PGM2L1: variants seen among roughly 807,000 people sequenced by gnomAD.
PGM2L1 encodes glucose 1,6-bisphosphate synthase.
Under a neutral mutation model 73.4 loss-of-function variants are expected in PGM2L1, and 35 were observed. The ratio of observed to expected loss-of-function variants is 0.48; its 90% CI spans 0.36 to 0.63. The LOEUF is 0.63. Among genes scored for constraint, PGM2L1 ranks in the 30% least tolerant of loss-of-function variants. The pLI is 0.00. For missense variants in PGM2L1, 570 were observed against 742.0 expected, an observed-to-expected ratio of 0.77 and a Z score of 2.69; for synonymous variants, 225 against 253.8, an observed-to-expected ratio of 0.89 and a Z score of 1.08.
chr11:74,347,558 C>G (rs1591169226), intron 6 of PGM2L1, among the ~76,000 whole-genome samples: 1 of 152,206 alleles, frequency 6.6e-6, no homozygotes, highest in African/African-American at 2.4e-5. Context: ...CTGACCTGGA[C>G]AGCTGCCTTC....
rs1044355793 is a variant in PGM2L1 at position 74,335,840 on chromosome 11, C to T, written c.*812G>A. On this transcript the variant is annotated 3_prime_UTR_variant, in exon 14 of 14. Transcript: ENST00000298198. ...GCAAACTCACTTGATATAGAGGAAG[C>T]ACCTACAGATTTTGGAAGATTTTCC... 1 of 152,576 alleles carries T rather than the reference C, an allele frequency of 6.6e-6. No individual in the cohort carries two copies. The highest frequency in any genetic ancestry group is 2.4e-5 in the African/African-American group (1 of 41,434). 9.5% of individuals were successfully genotyped at this position (152,576 alleles called of 1,614,324 possible).
chr11:74,359,366 C>T (rs1862515897), intron 5 of PGM2L1, among the ~76,000 whole-genome samples: 1 of 151,924 alleles, frequency 6.6e-6, no homozygotes, highest in Non-Finnish European at 1.5e-5. Context: ...CACTCTCTGA[C>T]AGAGGAGCCC....
At chr11:74,396,359 G>C (rs145185165) in intron 1 of PGM2L1, among the ~76,000 whole-genome samples, 322 of 151,726 alleles carry the variant, frequency 2.1e-3, no homozygotes, top group African/African-American at 7.3e-3. Flanking sequence ...GCTACTCCAA[G>C]TGTGGTCCAC....
At chr11:74,393,517 GA>G (rs1202761800) in intron 1 of PGM2L1, among the ~76,000 whole-genome samples, 1 of 151,936 alleles carries the variant, frequency 6.6e-6, no homozygotes, top group South Asian at 2.1e-4. Context: ...AGTGACATTG[GA>G]AAAAAAACTT....
chr11:74,362,617 A>T (rs1175346741), intron 5 of PGM2L1, among the ~76,000 whole-genome samples: 2 of 152,214 alleles, frequency 1.3e-5, no homozygotes, highest in African/African-American at 2.4e-5. Context: ...TAAAGAGTCA[A>T]GACCCATCAG....
chr11:74,394,855 CTTA>C lies in PGM2L1; in HGVS notation c.111+3193_111+3195del, dbSNP rs540640956. 2.0e-4 allele frequency among the ~76,000 whole-genome samples: 30 copies of C among 152,188 alleles called. No homozygotes were observed. The South Asian group carries it at 5.6e-3, about 28-fold the overall frequency. ...AAATTGACCTCTAATCAATTTAAAA[CTTA>C]TTATATGCCTCATCTGAGTCATGAA... is the stretch of plus-strand genomic sequence containing the variant. On this transcript the variant is annotated intron_variant, in intron 1 of 13. Coordinates refer to ENST00000298198, the MANE Select transcript of PGM2L1 (RefSeq NM_173582.6).
intron 13 of PGM2L1, among the ~76,000 whole-genome samples, chr11:74,337,163 G>T (rs1862110079): frequency 6.6e-6 from 1 of 152,208 alleles, no homozygotes; most frequent in African/African-American, 2.4e-5. Context: ...AGAAGGAGGT[G>T]TGACTAAAAT....
intron 10 of PGM2L1, 85 bp downstream of exon 10, chr11:74,343,238 A>G (rs1862210161): frequency 6.9e-7 from 1 of 1,456,014 alleles, no homozygotes; most frequent in Non-Finnish European, 9.1e-7. Flanking sequence ...AAAATATGAA[A>G]CCAGAACACA....
At position 74,380,109 on chromosome 11, in the gene PGM2L1, TTTTTA is replaced by T. The variant is rs147192182; in HGVS notation, c.112-5532_112-5528del. Among the ~76,000 whole-genome samples, 345 of 152,324 alleles carry T rather than the reference TTTTTA, an allele frequency of 2.3e-3. 3 individuals are homozygous for T. The highest frequency in any genetic ancestry group is 7.9e-3 in the African/African-American group (328 of 41,566). On this transcript the variant is annotated intron_variant, in intron 1 of 13. Transcript: ENST00000298198. ...TTTTATATAACTACAGAGAAAAACA[TTTTTA>T]TTTTGTTTATCTATTTATTATTTTG...
intron 1 of PGM2L1, among the ~76,000 whole-genome samples, chr11:74,377,021 T>C (rs1862864520): frequency 6.6e-6 from 1 of 152,144 alleles, no homozygotes; most frequent in Non-Finnish European, 1.5e-5. Flanking sequence ...ATATTCTCCA[T>C]TCAGATGAAC....
intron 1 of PGM2L1, among the ~76,000 whole-genome samples, chr11:74,379,780 C>A (rs1862911119): frequency 6.6e-6 from 1 of 151,934 alleles, no homozygotes; most frequent in African/African-American, 2.4e-5. Context: ...AAAAAATTAG[C>A]CAGGTATGGT....
chr11:74,386,554 C>T (rs1181654782), intron 1 of PGM2L1, among the ~76,000 whole-genome samples: 1 of 151,838 alleles, frequency 6.6e-6, no homozygotes, highest in Admixed American at 6.6e-5. Context: ...CAGCTCACTG[C>T]AGCCTCAACC....
intron 1 of PGM2L1, among the ~76,000 whole-genome samples, chr11:74,381,188 C>T (rs974748894): frequency 6.6e-6 from 1 of 152,166 alleles, no homozygotes; most frequent in Non-Finnish European, 1.5e-5. Context: ...AGTATCCTCA[C>T]CTGTAAAAAA....
At chr11:74,393,604 C>G (rs1157060803) in intron 1 of PGM2L1, among the ~76,000 whole-genome samples, 3 of 152,134 alleles carry the variant, frequency 2.0e-5, no homozygotes, top group Non-Finnish European at 2.9e-5. Context: ...TTTTATAAGC[C>G]TACGCTACCT....
chr11:74,346,357 T>C (rs773329939), intron 8 of PGM2L1, among the ~76,000 whole-genome samples: 2 of 150,952 alleles, frequency 1.3e-5, no homozygotes, highest in Non-Finnish European at 2.9e-5. Flanking sequence ...TGTTGGGATA[T>C]TATGTCTTTG....
At chr11:74,362,418 G>A (rs1012563818) in intron 5 of PGM2L1, among the ~76,000 whole-genome samples, 13 of 152,174 alleles carry the variant, frequency 8.5e-5, no homozygotes, top group South Asian at 2.1e-4. Context: ...AGGAACAACC[G>A]GTACCAGCCA....
intron 5 of PGM2L1, among the ~76,000 whole-genome samples, chr11:74,352,016 A>T (rs530857731): frequency 1.2e-4 from 18 of 151,884 alleles, no homozygotes; most frequent in Admixed American, 2.0e-4. Flanking sequence ...AAATTGATCA[A>T]ATAAAAAATG....
rs1337128720 is a variant in PGM2L1, at chr11:74,333,498, T to G, written c.*3154A>C. 6.6e-6 allele frequency: 1 copy of G among 152,220 alleles called. No individual in the cohort carries two copies. Among genetic ancestry groups the G allele is most frequent in the Non-Finnish European group, 1.5e-5 (1 of 68,040 alleles). 9.4% of individuals were successfully genotyped at this position (152,220 alleles called of 1,614,324 possible). A position where few individuals can be genotyped will look rare whatever the true frequency, so the allele number is the denominator to read the frequency against. Reference sequence around the variant, plus strand: ...TTTCTAATCTACATTTTCTTCCTTTTTATTTCTGCTCTACCTCTTCCTGAG... The same window carrying G: ...TTTCTAATCTACATTTTCTTCCTTTGTATTTCTGCTCTACCTCTTCCTGAG... On this transcript the variant is annotated 3_prime_UTR_variant, in exon 14 of 14. Coordinates refer to ENST00000298198, the MANE Select transcript of PGM2L1 (RefSeq NM_173582.6).
At chr11:74,379,849 T>C (rs180798722) in intron 1 of PGM2L1, among the ~76,000 whole-genome samples, 7 of 152,120 alleles carry the variant, frequency 4.6e-5, no homozygotes, top group Middle Eastern at 3.4e-3. Context: ...TGCTTGAATG[T>C]GGGAGGCGGA....
Sources: allele counts gnomAD v4.1 joint callset (sites outside exome capture counted in the v4.1 genomes callset), GRCh38; gene constraint gnomAD v4.1.1; transcripts MANE v1.5; gene names NCBI Gene and HGNC (gene_info 2026-07-23, HGNC 2026-07-21).